EXOC3L4: variants seen among roughly 807,000 people sequenced by gnomAD.
EXOC3L4 encodes the protein exocyst complex component 3-like protein 4.
In EXOC3L4, 62 loss-of-function variants were observed where a neutral mutation model predicts 69.7. The observed-to-expected ratio is 0.89, with a 90% CI of 0.72 to 1.10. The LOEUF (loss-of-function observed/expected upper bound fraction) is 1.10. EXOC3L4 is among the 50% of genes least tolerant of loss of function. The probability of loss-of-function intolerance (pLI) is 0.00; values close to 1 mark genes in which losing one functional copy is unlikely to be tolerated. For synonymous variants in EXOC3L4, 502 were observed against 464.2 expected (o/e 1.08, Z -1.05); for missense variants, 1,087 against 1,034.8 (o/e 1.05, Z -0.69).
intron 1 of EXOC3L4, among the ~76,000 whole-genome samples, chr14:103,095,453 C>A (rs1889850504): frequency 6.6e-6 from 1 of 152,154 alleles, no homozygotes; most frequent in South Asian, 2.1e-4. Context: ...GGGGGAGGAG[C>A]CATTTCTGCT....
In EXOC3L4 at chr14:103,110,524, C is replaced by A; in HGVS notation, c.*301C>A. On this transcript the variant is annotated 3_prime_UTR_variant, in exon 12 of 12. Transcript: ENST00000688303. ...CACCCTCCAGTCTGAAAGTGAAGAG[C>A]AGAGTATTTATTTAAAAAATAAATG... 2.0e-6 allele frequency: 1 copy of A among 501,308 alleles called. No homozygotes were observed. 31.1% of individuals were successfully genotyped at this position (501,308 alleles called of 1,614,324 possible). A position where few individuals can be genotyped will look rare whatever the true frequency, so the allele number is the denominator to read the frequency against.
Position 103,102,436 on chromosome 14 carries a change from C to A in EXOC3L4, c.713C>A (p.Pro238Gln), listed in dbSNP as rs549586706. Residue 238 changes from proline (P) to glutamine (Q), a missense_variant, in exon 3 of 12, where the codon CCG becomes CAG. Pro to Gln is a moderately conservative substitution (Grantham distance 76, BLOSUM62 -1). Transcript: ENST00000688303. ...PPDDGDFLRT[P>Q]RRWRQHWEEA... ...GACGACGGCGACTTCCTGCGCACGCCGCGCCGCTGGCGCCAGCACTGGGAG... is the reference window on the plus strand; with the variant it reads ...GACGACGGCGACTTCCTGCGCACGCAGCGCCGCTGGCGCCAGCACTGGGAG... 1.2e-5 allele frequency: 18 copies of A among 1,512,658 alleles called. No individual in the cohort carries two copies. The highest frequency in any genetic ancestry group is 8.6e-5 in the African/African-American group (6 of 69,538). The allele number at this position is 1,512,658 out of a possible 1,614,324, so 93.7% of individuals were successfully genotyped here.
chr14:103,102,491 C>A lies in EXOC3L4; in HGVS notation c.768C>A (p.Arg256=). The A allele has an allele frequency of 1.4e-6, 2 of 1,384,984 alleles. No homozygotes were observed. The highest frequency in any genetic ancestry group is 1.9e-6 in the Non-Finnish European group (2 of 1,076,906). 85.8% of individuals were successfully genotyped at this position (1,384,984 alleles called of 1,614,324 possible). The change falls in exon 3 of 12, where the codon CGC becomes CGA. Residue 256 remains arginine, a synonymous_variant. Coordinates refer to ENST00000688303, the MANE Select transcript of EXOC3L4 (RefSeq NM_001077594.2). The part of the protein sequence containing the change: ...EEAVRRSAQE[R]VRRPGAGWAF... ...CGGTGCGGCGAAGCGCTCAGGAGCG[C>A]GTGCGGCGGCCGGGCGCGGGGTGGG...
In EXOC3L4 at chr14:103,110,241, G is replaced by A. The variant is rs369045046; in HGVS notation, c.*18G>A. Reference sequence around the variant, plus strand: ...GCGTCTAGTTCTCTCTGGCTCGAGGGGGGGCCGGCCGCTGGCAGGGAGCTG... The same window carrying A: ...GCGTCTAGTTCTCTCTGGCTCGAGGAGGGGCCGGCCGCTGGCAGGGAGCTG... On this transcript the variant is annotated 3_prime_UTR_variant, in exon 12 of 12. Coordinates refer to ENST00000688303, the MANE Select transcript of EXOC3L4 (RefSeq NM_001077594.2). The A allele has an allele frequency of 3.6e-4, 533 of 1,497,896 alleles. No individual in the cohort carries two copies. Among genetic ancestry groups the A allele is most frequent in the Middle Eastern group, 2.8e-3 (16 of 5,758 alleles). 92.8% of individuals were successfully genotyped at this position (1,497,896 alleles called of 1,614,324 possible).
intron 10 of EXOC3L4, 99 bp from the exon 11 acceptor site, chr14:103,108,297 T>C: frequency 1.3e-6 from 2 of 1,516,562 alleles, no homozygotes; most frequent in Non-Finnish European, 8.9e-7. Context: ...GGGCTGACGC[T>C]GCGGGAGGGC....
At chr14:103,108,315 G>A (rs1247215420) in intron 10 of EXOC3L4, 81 bp from the exon 11 acceptor site, 1 of 1,564,760 alleles carries the variant, frequency 6.4e-7, no homozygotes, top group Non-Finnish European at 8.7e-7. Context: ...GGCTGACCTC[G>A]CACTGACCTC....
chr14:103,099,033 A>G (rs62006947), intron 1 of EXOC3L4: 30,644 of 151,862 alleles, frequency 0.2, 3,500 homozygotes, highest in South Asian at 0.27. Context: ...GGGCCTGGGG[A>G]GGCACACTTC....
At chr14:103,105,466 T>TTG (rs140402037) in intron 7 of EXOC3L4, among the ~76,000 whole-genome samples, 3 of 151,400 alleles carry the variant, frequency 2.0e-5, no homozygotes, top group Admixed American at 6.6e-5. Flanking sequence ...TGCGTGTGTC[T>TTG]TGTGTGTGTG....
chr14:103,105,358 C>CTGTGTG (rs56105443), intron 7 of EXOC3L4, among the ~76,000 whole-genome samples: 2,058 of 141,650 alleles, frequency 0.015, 44 homozygotes, highest in African/African-American at 0.048. Context: ...GAGCTGAGGG[C>CTGTGTG]TGTGTGTGTG....
In EXOC3L4 at chr14:103,106,034, G is replaced by A. The variant is rs1263511991; in HGVS notation, c.1467-751G>A. 2.6e-5 allele frequency among the ~76,000 whole-genome samples: 4 copies of A among 152,186 alleles called. No individual in the cohort carries two copies. The East Asian group carries it at 7.7e-4, about 29-fold the overall frequency. ...GCCTCAGGGGACTCAGTTCCCATTG[G>A]CTCTTTGTGAGCACTTCTCAGTGCC... On this transcript the variant is annotated intron_variant, in intron 7 of 11. Coordinates refer to ENST00000688303, the MANE Select transcript of EXOC3L4 (RefSeq NM_001077594.2).
Position 103,104,283 on chromosome 14 carries a change from G to A in EXOC3L4, c.1178G>A (p.Cys393Tyr), listed in dbSNP as rs1040009309. The A allele has an allele frequency of 1.3e-6, 2 of 1,594,662 alleles. No homozygotes were observed. The highest frequency in any genetic ancestry group is 1.7e-6 in the Non-Finnish European group (2 of 1,172,638). Residue 393 changes from cysteine (C) to tyrosine (Y), a missense_variant, in exon 5 of 12, where the codon TGC becomes TAC. Coordinates refer to ENST00000688303, the MANE Select transcript of EXOC3L4 (RefSeq NM_001077594.2). ...TCCCCCCAGGCCAAGATCGCAAGCT[G>A]CTTCGACAGCATCTTGCAGCTGGAG... ...TSFLEAKIAS[C>Y]FDSILQLEQS...
Position 103,110,427 on chromosome 14 carries a change from T to C in EXOC3L4, c.*204T>C, listed in dbSNP as rs1890870773. 7.1e-6 allele frequency: 5 copies of C among 705,910 alleles called. No homozygotes were observed. The allele number at this position is 705,910 out of a possible 1,614,324, so 43.7% of individuals were successfully genotyped here. ...GCATTTCAGGCATCGTTGAGGGGAG[T>C]GTTTTGGGGCCGCAGAGCTCTCAAT... On this transcript the variant is annotated 3_prime_UTR_variant, in exon 12 of 12. Coordinates refer to ENST00000688303, the MANE Select transcript of EXOC3L4 (RefSeq NM_001077594.2).
rs1032572104 is a variant in EXOC3L4 at position 103,102,503 on chromosome 14, G to C, written c.780G>C (p.Pro260=). ...RRSAQERVRR[P]GAGWAFGEAE... ...GCGCTCAGGAGCGCGTGCGGCGGCCGGGCGCGGGGTGGGCCTTCGGGGAGG... is the reference window on the plus strand; with the variant it reads ...GCGCTCAGGAGCGCGTGCGGCGGCCCGGCGCGGGGTGGGCCTTCGGGGAGG... The change falls in exon 3 of 12, where the codon CCG becomes CCC. Residue 260 remains proline, a synonymous_variant. Coordinates refer to ENST00000688303, the MANE Select transcript of EXOC3L4 (RefSeq NM_001077594.2). 2.2e-6 allele frequency: 3 copies of C among 1,381,178 alleles called. No individual in the cohort carries two copies. The highest frequency in any genetic ancestry group is 3.0e-5 in the East Asian group (1 of 32,840). The allele number at this position is 1,381,178 out of a possible 1,614,324, so 85.6% of individuals were successfully genotyped here.
rs747819906 is a variant in EXOC3L4 at position 103,107,770 on chromosome 14, C to T, written c.1841C>T (p.Thr614Ile). 1 of 1,524,680 alleles carries T rather than the reference C, an allele frequency of 6.6e-7. No individual in the cohort carries two copies. Among genetic ancestry groups the T allele is most frequent in the Non-Finnish European group, 8.9e-7 (1 of 1,129,894 alleles). 94.4% of individuals were successfully genotyped at this position (1,524,680 alleles called of 1,614,324 possible). Residue 614 changes from threonine (T) to isoleucine (I), a missense_variant, in exon 10 of 12, where the codon ACC becomes ATC. Thr to Ile is a moderately conservative substitution (Grantham distance 89). Coordinates refer to ENST00000688303, the MANE Select transcript of EXOC3L4 (RefSeq NM_001077594.2). ...MSLDAQAISDTFQGLGSEATW... is the reference protein window; with the variant it reads ...MSLDAQAISDIFQGLGSEATW... ...CTGGATGCCCAGGCCATCAGCGACA[C>T]CTTCCAGGGCCTGGTAGGGGCGGCA...
Position 103,108,500 on chromosome 14 carries a change from G to A in EXOC3L4, c.1959G>A (p.Arg653=). The stretch of plus-strand genomic sequence containing the variant: ...AGCGGCACCTGGAGACTCTTATCCG[G>A]AGCTACCCCGACATCAGGTGTGTAC... The part of the protein sequence containing the change: ...DIQRHLETLI[R]SYPDIRRDHI... Residue 653 remains arginine (R), a synonymous_variant, in exon 11 of 12, where the codon CGG becomes CGA. Transcript: ENST00000688303. 6.2e-7 allele frequency: 1 copy of A among 1,613,750 alleles called. No individual in the cohort carries two copies. The highest frequency in any genetic ancestry group is 8.5e-7 in the Non-Finnish European group (1 of 1,179,770).
chr14:103,100,758 A>G, intron 2 of EXOC3L4, 145 bp downstream of exon 2: 1 of 1,159,364 alleles, frequency 8.6e-7, no homozygotes, highest in South Asian at 1.6e-5. Flanking sequence ...TATTTGAGAC[A>G]GGGTCTCCAC....
Position 103,110,428 on chromosome 14 carries a change from G to GT in EXOC3L4, c.*209dup. The GT allele has an allele frequency of 2.8e-6, 2 of 705,438 alleles. No homozygotes were observed. Among genetic ancestry groups the GT allele is most frequent in the Non-Finnish European group, 5.1e-6 (2 of 395,004 alleles). The allele number at this position is 705,438 out of a possible 1,614,324, so 43.7% of individuals were successfully genotyped here. ...CATTTCAGGCATCGTTGAGGGGAGT[G>GT]TTTTGGGGCCGCAGAGCTCTCAATG... On this transcript the variant is annotated 3_prime_UTR_variant, in exon 12 of 12. Coordinates refer to ENST00000688303, the MANE Select transcript of EXOC3L4 (RefSeq NM_001077594.2).
At position 103,105,016 on chromosome 14, in the gene EXOC3L4, G is replaced by A. The variant is rs772188063; in HGVS notation, c.1410G>A (p.Ser470=). Residue 470 remains serine, a synonymous_variant, in exon 7 of 12, where the codon TCG becomes TCA. Transcript: ENST00000688303. ...GGTTTGAAAAGGCTTTTCTGGCGTCGGAGGCGGTGAGCGAGCCGCACCTGG... is the reference window on the plus strand; with the variant it reads ...GGTTTGAAAAGGCTTTTCTGGCGTCAGAGGCGGTGAGCGAGCCGCACCTGG... ...VPRFEKAFLA[S]EAVSEPHLGA... is the part of the protein sequence containing the mutation. The A allele has an allele frequency of 6.2e-7, 1 of 1,612,426 alleles. No homozygotes were observed. The highest frequency in any genetic ancestry group is 1.3e-5 in the African/African-American group (1 of 74,916).
chr14:103,107,496 G>A lies in EXOC3L4; in HGVS notation c.1654G>A (p.Val552Met). The change falls in exon 9 of 12, where the codon GTG (valine) becomes ATG (methionine). Residue 552 changes from valine to methionine, a missense_variant. Coordinates refer to ENST00000688303, the MANE Select transcript of EXOC3L4 (RefSeq NM_001077594.2). ...DWLHPLMDKV[V>M]TFAGHLQRVA... ...GCTGCATCCCCTCATGGACAAGGTG[G>A]TGACCTTCGCCGGTCATCTCCAGCG... 6.2e-7 allele frequency: 1 copy of A among 1,613,798 alleles called. No homozygotes were observed. The highest frequency in any genetic ancestry group is 8.5e-7 in the Non-Finnish European group (1 of 1,180,018).
Sources: gnomAD v4.1 joint callset for allele counts (sites outside exome capture counted in the v4.1 genomes callset) on GRCh38, gnomAD v4.1.1 for gene constraint, MANE v1.5 for transcripts, NCBI Gene and HGNC (gene_info 2026-07-23, HGNC 2026-07-21) for gene names.